The following SGCE variants were observed in gnomAD, a reference collection of about 807,000 sequenced individuals.
The protein encoded by SGCE is sarcoglycan epsilon.
Under a neutral mutation model 57.8 loss-of-function variants are expected in SGCE, and 26 were observed. The observed-to-expected ratio is 0.45, with a 90% CI of 0.33 to 0.62. The LOEUF is 0.62. Ranked by LOEUF, SGCE falls within the 20% of genes least tolerant of loss-of-function variation. The probability of loss-of-function intolerance (pLI) is 0.02; values close to 1 mark genes in which losing one functional copy is unlikely to be tolerated. For synonymous variants in SGCE, 183 were observed against 189.5 expected, an observed-to-expected ratio of 0.97 and a Z score of 0.28; for missense variants, 468 against 548.6, an observed-to-expected ratio of 0.85 and a Z score of 1.47.
chr7:94,621,979 T>C (rs1802860705), intron 4 of SGCE: 1 of 152,198 alleles, frequency 6.6e-6, no homozygotes, highest in South Asian at 2.1e-4. Flanking sequence ...TTGTCTACAA[T>C]TGATACCGGT....
In SGCE at chr7:94,599,689, A is replaced by G. The variant is rs2116684508; in HGVS notation, c.1064+8T>C. Reference sequence around the variant, plus strand: ...GATGAAGAAAATAACAGGAAAGAAGACACTTACTCTGGTGTTTGCATGTTT... The same window carrying G: ...GATGAAGAAAATAACAGGAAAGAAGGCACTTACTCTGGTGTTTGCATGTTT... On this transcript the variant is annotated splice_region_variant and intron_variant, in intron 8 of 10. Coordinates refer to ENST00000648936, the MANE Select transcript of SGCE (RefSeq NM_003919.3). The G allele has an allele frequency of 6.2e-7, 1 of 1,609,626 alleles. No individual in the cohort carries two copies. The highest frequency in any genetic ancestry group is 8.5e-7 in the Non-Finnish European group (1 of 1,176,078).
chr7:94,629,631 T>G, intron 2 of SGCE, 88 bp downstream of exon 2: 1 of 1,162,428 alleles, frequency 8.6e-7, no homozygotes. Flanking sequence ...ATAATGTTAA[T>G]GATATTTTAT....
chr7:94,587,267 CA>C (rs1237062783), intron 10 of SGCE: 4 of 986,510 alleles, frequency 4.1e-6, no homozygotes, highest in Non-Finnish European at 4.8e-6. Flanking sequence ...GACTACTAAA[CA>C]AATTGCCCTA....
At chr7:94,652,290 A>G (rs1808014087) in intron 1 of SGCE, among the ~76,000 whole-genome samples, 1 of 152,134 alleles carries the variant, frequency 6.6e-6, no homozygotes, top group South Asian at 2.1e-4. Flanking sequence ...TTAGGTGTTT[A>G]CAGAATATGG....
At chr7:94,631,226 G>A (rs761297789) in intron 1 of SGCE, among the ~76,000 whole-genome samples, 8 of 151,750 alleles carry the variant, frequency 5.3e-5, no homozygotes, top group Non-Finnish European at 1.0e-4. Context: ...GTACTTACCA[G>A]CAGGAATAAT....
chr7:94,634,066 A>T (rs1485595916), intron 1 of SGCE, among the ~76,000 whole-genome samples: 1 of 152,208 alleles, frequency 6.6e-6, no homozygotes, highest in Non-Finnish European at 1.5e-5. Context: ...GAAGAAAGTC[A>T]TAAAGTATTG....
intron 5 of SGCE, chr7:94,616,884 T>G (rs1406695101): frequency 6.6e-6 from 1 of 152,208 alleles, no homozygotes; most frequent in Non-Finnish European, 1.5e-5. Context: ...ATGAATATTT[T>G]GTAAAGGTTA....
At chr7:94,629,974 A>G in intron 1 of SGCE, 133 bp from the exon 2 acceptor site, 1 of 972,186 alleles carries the variant, frequency 1.0e-6, no homozygotes, top group South Asian at 1.6e-5. Flanking sequence ...GCAACATGCA[A>G]GGAAACTGTT....
At chr7:94,585,806 T>C (rs1373475084) in intron 10 of SGCE, among the ~76,000 whole-genome samples, 1 of 152,054 alleles carries the variant, frequency 6.6e-6, no homozygotes, top group Non-Finnish European at 1.5e-5. Context: ...GGAGGTTAAC[T>C]GCAGGATGTA....
intron 5 of SGCE, among the ~76,000 whole-genome samples, chr7:94,610,225 G>A (rs1330828362): frequency 6.6e-6 from 1 of 152,130 alleles, no homozygotes; most frequent in Admixed American, 6.5e-5. Context: ...GAACAGGTGG[G>A]ACATAGATGA....
Position 94,603,526 on chromosome 7 carries a change from C to T in SGCE, c.663-74G>A, listed in dbSNP as rs1369988850. The T allele has an allele frequency of 2.1e-6, 3 of 1,405,024 alleles. No individual in the cohort carries two copies. In the East Asian group the frequency reaches 7.2e-5, roughly 34 times the overall value. 87.0% of individuals were successfully genotyped at this position (1,405,024 alleles called of 1,614,324 possible). ...ACTAAAAAACAATCCACCTTAAAAG[C>T]AGGATTTAGCCTTTTGAATTGAGAG... is the stretch of plus-strand genomic sequence containing the variant. On this transcript the variant is annotated intron_variant, in intron 5 of 10. Transcript: ENST00000648936.
At chr7:94,629,475 T>C (rs1447577964) in intron 2 of SGCE, 5 of 416,068 alleles carry the variant, frequency 1.2e-5, no homozygotes, top group Admixed American at 3.6e-5. Context: ...AGATCACTTG[T>C]CAGAGACATA....
At chr7:94,609,822 ACT>A (rs1800726305) in intron 5 of SGCE, among the ~76,000 whole-genome samples, 1 of 152,172 alleles carries the variant, frequency 6.6e-6, no homozygotes, top group Non-Finnish European at 1.5e-5. Flanking sequence ...AAAATAACAT[ACT>A]TTTACCATAT....
At chr7:94,626,432 C>T (rs1803725897) in intron 3 of SGCE, 1 of 152,124 alleles carries the variant, frequency 6.6e-6, no homozygotes, top group Admixed American at 6.6e-5. Flanking sequence ...TCTACCTAGA[C>T]TTGAGACCTG....
chr7:94,600,672 A>G lies in SGCE; in HGVS notation c.1011T>C (p.Tyr337=), dbSNP rs1562805042. The G allele has an allele frequency of 6.2e-7, 1 of 1,613,684 alleles. No homozygotes were observed. Among genetic ancestry groups the G allele is most frequent in the East Asian group, 2.2e-5 (1 of 44,846 alleles). ...VALVLFLILA[Y]IMCCRREGVE... The stretch of plus-strand genomic sequence containing the variant: ...CGCCTTCCCGTCGGCAGCACATGAT[A>G]TAAGCAAGTATTAGAAAAAGGACCA... The change falls in exon 7 of 11, where the codon TAT becomes TAC. Residue 337 remains tyrosine, a synonymous_variant. Coordinates refer to ENST00000648936, the MANE Select transcript of SGCE (RefSeq NM_003919.3).
intron 1 of SGCE, among the ~76,000 whole-genome samples, chr7:94,641,710 A>G (rs1052533432): frequency 4.6e-5 from 7 of 152,212 alleles, no homozygotes; most frequent in Admixed American, 1.3e-4. Context: ...CTGAATTTTC[A>G]GTAAAAATCT....
rs1212243826 is a variant in SGCE at position 94,629,728 on chromosome 7, G to C, written c.223C>G (p.Pro75Ala). The C allele has an allele frequency of 2.5e-6, 4 of 1,610,896 alleles. No individual in the cohort carries two copies. The Admixed American group carries it at 6.7e-5, about 27-fold the overall frequency. ...CTCACAAAGAACATACCAGGTTTTG[G>C]GTAAGGTGGAAATTCCCCCTTAAAA... ...EYFKGEFPPY[P>A]KPGEISNDPI... is the part of the protein sequence containing the mutation. The change falls in exon 2 of 11, where the codon CCA becomes GCA. Residue 75 changes from proline to alanine, a missense_variant. Coordinates refer to ENST00000648936, the MANE Select transcript of SGCE (RefSeq NM_003919.3).
At chr7:94,599,753 ATAAT>A (rs1231959871) in intron 7 of SGCE, 30 bp from the exon 8 acceptor site, 1 of 1,433,214 alleles carries the variant, frequency 7.0e-7, no homozygotes. Flanking sequence ...TATGAATTAA[ATAAT>A]AGCATTGATA....
chr7:94,599,899 C>T lies in SGCE; in HGVS notation c.1038-176G>A, dbSNP rs1445126485. 12 of 511,958 alleles carry T rather than the reference C, an allele frequency of 2.3e-5. No homozygotes were observed. In the East Asian group the frequency reaches 3.0e-4, roughly 13 times the overall value. 31.7% of individuals were successfully genotyped at this position (511,958 alleles called of 1,614,324 possible). On this transcript the variant is annotated intron_variant, in intron 7 of 10. Transcript: ENST00000648936. ...ATTGCTTGGATGAGTACACATACAG[C>T]GATGGAATACTGATGAGAAACACAT... is the stretch of plus-strand genomic sequence containing the variant.
Sources: gnomAD v4.1 joint callset for allele counts (sites outside exome capture counted in the v4.1 genomes callset) on GRCh38, gnomAD v4.1.1 for gene constraint, MANE v1.5 for transcripts, NCBI Gene and HGNC (gene_info 2026-07-23, HGNC 2026-07-21) for gene names.